NMBR: variants seen among roughly 807,000 people sequenced by gnomAD.
The protein encoded by NMBR is neuromedin B receptor.
A neutral mutation model predicts 20.5 loss-of-function variants in NMBR; 16 were observed. The ratio of observed to expected loss-of-function variants is 0.78; its 90% CI spans 0.53 to 1.19. The LOEUF (loss-of-function observed/expected upper bound fraction) is 1.19, where lower values mean the gene tolerates loss of function less well. Ranked by LOEUF, NMBR falls within the 50% of genes most tolerant of loss-of-function variation. NMBR has a pLI of 0.00. For missense variants in NMBR, 582 were observed against 499.1 expected (o/e 1.17, Z -1.58); for synonymous variants, 212 against 196.6 (o/e 1.08, Z -0.65).
At chr6:142,114,052 T>C (rs1777813068) in intron 1 of NMBR, among the ~76,000 whole-genome samples, 1 of 152,086 alleles carries the variant, frequency 6.6e-6, no homozygotes, top group Non-Finnish European at 1.5e-5. Context: ...AGAGCCCAAT[T>C]ACAAAATAGG....
intron 1 of NMBR, among the ~76,000 whole-genome samples, chr6:142,100,046 A>T (rs1715154655): frequency 6.6e-6 from 1 of 152,210 alleles, no homozygotes; most frequent in Non-Finnish European, 1.5e-5. Flanking sequence ...ACAACATTAC[A>T]ACTTTATTCA....
chr6:142,120,741 C>A (rs1777931486), intron 1 of NMBR, among the ~76,000 whole-genome samples: 1 of 151,902 alleles, frequency 6.6e-6, no homozygotes, highest in Non-Finnish European at 1.5e-5. Flanking sequence ...CTTACAAATA[C>A]TTAAATAAAG....
chr6:142,113,337 A>G (rs77279004), intron 1 of NMBR, among the ~76,000 whole-genome samples: 2,153 of 152,278 alleles, frequency 0.014, 57 homozygotes, highest in African/African-American at 0.049. Context: ...GACTTCATTA[A>G]TAAAAATAAA....
chr6:142,115,215 T>C (rs2842759), intron 1 of NMBR, among the ~76,000 whole-genome samples: 120,452 of 151,990 alleles, frequency 0.79, 48,007 homozygotes, highest in East Asian at 0.97. Flanking sequence ...ACTCAGTTGA[T>C]CAGGAATGAG....
chr6:142,124,417 TC>T (rs1777997951), intron 1 of NMBR, among the ~76,000 whole-genome samples: 1 of 151,912 alleles, frequency 6.6e-6, no homozygotes, highest in African/African-American at 2.4e-5. Flanking sequence ...AGATATTATC[TC>T]ATGTACTATC....
intron 2 of NMBR, among the ~76,000 whole-genome samples, chr6:142,080,705 A>C (rs931243613): frequency 2.8e-4 from 43 of 152,118 alleles, no homozygotes; most frequent in African/African-American, 1.0e-3. Flanking sequence ...CTCCCAATAA[A>C]TTTGCATAAT....
At chr6:142,121,666 A>G (rs1777945567) in intron 1 of NMBR, among the ~76,000 whole-genome samples, 1 of 151,970 alleles carries the variant, frequency 6.6e-6, no homozygotes, top group African/African-American at 2.4e-5. Context: ...GTAACCTTGA[A>G]GCAAACAACA....
At chr6:142,086,167 G>A (rs893033228) in intron 2 of NMBR, among the ~76,000 whole-genome samples, 17 of 151,948 alleles carry the variant, frequency 1.1e-4, no homozygotes, top group South Asian at 4.1e-4. Context: ...TTTAAATGGC[G>A]TTCAAACATG....
intron 1 of NMBR, among the ~76,000 whole-genome samples, chr6:142,107,884 G>C (rs1777688563): frequency 6.6e-6 from 1 of 151,886 alleles, no homozygotes; most frequent in Non-Finnish European, 1.5e-5. Context: ...AAAAGTAAAA[G>C]TTATTTTAAA....
intron 1 of NMBR, among the ~76,000 whole-genome samples, chr6:142,132,701 A>C (rs1460364097): frequency 6.6e-6 from 1 of 152,224 alleles, no homozygotes; most frequent in Admixed American, 6.5e-5. Flanking sequence ...GACACACCTA[A>C]ATAAAATAAA....
intron 1 of NMBR, among the ~76,000 whole-genome samples, chr6:142,110,881 A>C (rs1777750842): frequency 6.6e-6 from 1 of 152,170 alleles, no homozygotes; most frequent in Admixed American, 6.5e-5. Flanking sequence ...TAAATGGGTA[A>C]TATAGTTTAC....
Position 142,075,494 on chromosome 6 carries a change from T to C in NMBR, c.*154A>G. ...TATTAGGAAATGAAAAGAGAAAAAA[T>C]AAAGTCTAGTGTAGAGAAAAAATGT... On this transcript the variant is annotated 3_prime_UTR_variant, in exon 4 of 4. Transcript: ENST00000258042. The C allele has an allele frequency of 1.7e-6, 1 of 603,214 alleles. No individual in the cohort carries two copies. Among genetic ancestry groups the C allele is most frequent in the South Asian group, 2.7e-5 (1 of 37,388 alleles). The allele number at this position is 603,214 out of a possible 1,614,324, so 37.4% of individuals were successfully genotyped here. A position where few individuals can be genotyped will look rare whatever the true frequency, so the allele number is the denominator to read the frequency against.
chr6:142,133,817 T>C (rs1441335574), intron 1 of NMBR: 24 of 611,240 alleles, frequency 3.9e-5, no homozygotes, highest in Non-Finnish European at 6.9e-5. Context: ...TGTTTGTGTT[T>C]AAAAGATTTT....
At chr6:142,137,979 G>GA (rs869193816) in intron 1 of NMBR, among the ~76,000 whole-genome samples, 3 of 150,234 alleles carry the variant, frequency 2.0e-5, no homozygotes, top group Non-Finnish European at 3.0e-5. Context: ...TCTTCTTGGG[G>GA]AAAAAAAAAA....
At chr6:142,135,185 T>C (rs1446609102) in intron 1 of NMBR, 1 of 188,936 alleles carries the variant, frequency 5.3e-6, no homozygotes, top group African/African-American at 2.3e-5. Flanking sequence ...CTCACATACA[T>C]GTTAATTGAT....
At chr6:142,079,111 AAAGAAAGAAAGAAAG>A (rs1562390240) in intron 2 of NMBR, among the ~76,000 whole-genome samples, 1 of 79,658 alleles carries the variant, frequency 1.3e-5, no homozygotes, top group Non-Finnish European at 2.1e-5. Context: ...AGAGAGAAAG[AAAGAAAGAAAGAAAG>A]AAGAAAGAAA....
chr6:142,113,510 G>C (rs78551710), intron 1 of NMBR, among the ~76,000 whole-genome samples: 72 of 152,110 alleles, frequency 4.7e-4, no homozygotes, highest in African/African-American at 1.7e-3. Flanking sequence ...CACAAGCTTT[G>C]ACTCTTTCAT....
intron 1 of NMBR, among the ~76,000 whole-genome samples, chr6:142,098,984 G>C (rs780757293): frequency 3.9e-5 from 6 of 152,146 alleles, no homozygotes; most frequent in Non-Finnish European, 8.8e-5. Flanking sequence ...AGAGACCAGA[G>C]AGCCCAGAAA....
chr6:142,101,711 G>T (rs1224606510), intron 1 of NMBR, among the ~76,000 whole-genome samples: 2 of 152,080 alleles, frequency 1.3e-5, no homozygotes, highest in Non-Finnish European at 2.9e-5. Context: ...CAAAACAATG[G>T]CATCTCATAA....
Sources: gnomAD v4.1 joint callset for allele counts (sites outside exome capture counted in the v4.1 genomes callset) on GRCh38, gnomAD v4.1.1 for gene constraint, MANE v1.5 for transcripts, NCBI Gene and HGNC (gene_info 2026-07-23, HGNC 2026-07-21) for gene names.